The following RGS7 variants were observed in gnomAD, a reference collection of about 807,000 sequenced individuals.
The protein encoded by RGS7 is regulator of G-protein signaling 7.
In RGS7, 27 loss-of-function variants were observed where a neutral mutation model predicts 81.1. The ratio of observed to expected loss-of-function variants is 0.33; its 90% CI spans 0.25 to 0.46. The LOEUF (loss-of-function observed/expected upper bound fraction) is 0.46, where lower values mean the gene tolerates loss of function less well. Among genes scored for constraint, RGS7 ranks in the 20% least tolerant of loss-of-function variants. The pLI, the probability that RGS7 is intolerant of heterozygous loss-of-function variation, is 1.00. For missense variants in RGS7, 396 were observed against 607.4 expected (o/e 0.65, Z 3.66); for synonymous variants, 208 against 207.7 (o/e 1.00, Z -0.01).
At chr1:241,148,030 A>G (rs1284779043) in intron 2 of RGS7, among the ~76,000 whole-genome samples, 1 of 146,624 alleles carries the variant, frequency 6.8e-6, no homozygotes, top group Non-Finnish European at 1.5e-5. Flanking sequence ...GGTGTTTTCA[A>G]ATTTTCTTTC....
At chr1:241,293,380 A>G (rs2079198088) in intron 2 of RGS7, among the ~76,000 whole-genome samples, 1 of 152,228 alleles carries the variant, frequency 6.6e-6, no homozygotes, top group South Asian at 2.1e-4. Context: ...AAGTAGAAGT[A>G]TATAATAAGT....
intron 3 of RGS7, among the ~76,000 whole-genome samples, chr1:240,999,758 G>A (rs1437650249): frequency 1.6e-5 from 2 of 127,086 alleles, no homozygotes; most frequent in South Asian, 2.8e-4. Flanking sequence ...GTGCCACCAC[G>A]CTCGGCTAAT....
intron 7 of RGS7, among the ~76,000 whole-genome samples, chr1:240,869,428 C>A (rs953064673): frequency 6.6e-6 from 1 of 152,200 alleles, no homozygotes. Flanking sequence ...GGTAAATGGT[C>A]TTTAATCCTC....
chr1:240,919,446 C>T (rs1673137157), intron 6 of RGS7, among the ~76,000 whole-genome samples: 1 of 151,838 alleles, frequency 6.6e-6, no homozygotes, highest in South Asian at 2.1e-4. Flanking sequence ...TAATGTAACC[C>T]ATCACATCAA....
Position 240,802,897 on chromosome 1 carries a change from C to A in RGS7, c.1359+7G>T, listed in dbSNP as rs1366415357. 2.5e-6 allele frequency: 4 copies of A among 1,585,946 alleles called. No individual in the cohort carries two copies. Among genetic ancestry groups the A allele is most frequent in the Admixed American group, 1.7e-5 (1 of 59,898 alleles). Reference sequence around the variant, plus strand: ...CCAAGAAAAAACAACTCACAAAAAACCAGTACCTTTTTCTTTGCCTGTAGA... The same window carrying A: ...CCAAGAAAAAACAACTCACAAAAAAACAGTACCTTTTTCTTTGCCTGTAGA... On this transcript the variant is annotated splice_region_variant and intron_variant, in intron 16 of 18. Transcript: ENST00000440928.
chr1:240,911,615 C>A (rs1037369654), intron 6 of RGS7, among the ~76,000 whole-genome samples: 3 of 152,170 alleles, frequency 2.0e-5, no homozygotes, highest in Non-Finnish European at 4.4e-5. Context: ...TATAGCTAAA[C>A]ATCCAGCTAT....
At position 240,868,159 on chromosome 1, in the gene RGS7, G is replaced by GAAAGAAAGAAAGAAAGA. The variant is rs1663792627; in HGVS notation, c.609+427_609+428insTCTTTCTTTCTTTCTTT. ...GAAAGAAAGAAAGAAAGAAAGAAAGGACGGAGGGAGGGAAGGACGAAGGAA... is the reference window on the plus strand; with the variant it reads ...GAAAGAAAGAAAGAAAGAAAGAAAGGAAAGAAAGAAAGAAAGAACGGAGGGAGGGAAGGACGAAGGAA... On this transcript the variant is annotated intron_variant, in intron 9 of 18. Coordinates refer to ENST00000440928, the MANE Select transcript of RGS7 (RefSeq NM_001364886.1). The surrounding 1 kb of genome is among the most constrained non-coding windows in gnomAD (Gnocchi z 5.1). Among the ~76,000 whole-genome samples, 1 of 90,818 alleles carries GAAAGAAAGAAAGAAAGA rather than the reference G, an allele frequency of 1.1e-5. No individual in the cohort carries two copies. The highest frequency in any genetic ancestry group is 2.5e-5 in the Non-Finnish European group (1 of 40,282). 59.6% of individuals were successfully genotyped at this position (90,818 alleles called of 152,430 possible). A position where few individuals can be genotyped will look rare whatever the true frequency, so the allele number is the denominator to read the frequency against.
At chr1:241,014,897 G>A (rs2059146175) in intron 3 of RGS7, among the ~76,000 whole-genome samples, 1 of 152,154 alleles carries the variant, frequency 6.6e-6, no homozygotes, top group Non-Finnish European at 1.5e-5. Context: ...CTCTTACATA[G>A]AGAAAAGGAT....
chr1:241,109,605 G>T (rs1220872521), intron 2 of RGS7, among the ~76,000 whole-genome samples: 2 of 151,990 alleles, frequency 1.3e-5, no homozygotes, highest in Admixed American at 1.3e-4. Context: ...TGCTGTGTTT[G>T]TATGTTCACC....
At chr1:241,045,386 C>CA (rs1410746575) in intron 3 of RGS7, among the ~76,000 whole-genome samples, 26 of 152,174 alleles carry the variant, frequency 1.7e-4, no homozygotes, top group Non-Finnish European at 2.6e-4. Context: ...ATTTTTGAGA[C>CA]AGAGTCTCAC....
chr1:240,795,563 A>AT (rs1376973833), intron 18 of RGS7, among the ~76,000 whole-genome samples: 2 of 152,170 alleles, frequency 1.3e-5, no homozygotes, highest in Non-Finnish European at 1.5e-5. Flanking sequence ...AAGCAGTTCA[A>AT]TTTTTTATGA....
chr1:241,341,556 G>A (rs900710374), intron 2 of RGS7, among the ~76,000 whole-genome samples: 22 of 150,974 alleles, frequency 1.5e-4, no homozygotes, highest in African/African-American at 5.1e-4. Context: ...AGGAGAAGAA[G>A]GAAAAGGAAG....
chr1:241,043,774 TTG>T (rs1337510046), intron 3 of RGS7, among the ~76,000 whole-genome samples: 2 of 151,692 alleles, frequency 1.3e-5, no homozygotes, highest in Non-Finnish European at 2.9e-5. Flanking sequence ...AGTATTTACA[TTG>T]TGTTAGGCAT....
chr1:241,218,290 T>G (rs1328380188), intron 2 of RGS7, among the ~76,000 whole-genome samples: 1 of 152,194 alleles, frequency 6.6e-6, no homozygotes, highest in East Asian at 1.9e-4. Context: ...GAACCATATC[T>G]CTAACCTTAT....
intron 2 of RGS7, among the ~76,000 whole-genome samples, chr1:241,212,485 A>G (rs1024508763): frequency 5.9e-5 from 9 of 152,172 alleles, no homozygotes; most frequent in Non-Finnish European, 8.8e-5. Flanking sequence ...TTATGTAGCC[A>G]GTCCTGTGGT....
At position 241,037,935 on chromosome 1, in the gene RGS7, G is replaced by T. The variant is rs930850280; in HGVS notation, c.176-54806C>A. ...AAGTTATGAGCACACAAAAGCATAAGAATAATACAGTGGACTTTGGGGACA... is the reference window on the plus strand; with the variant it reads ...AAGTTATGAGCACACAAAAGCATAATAATAATACAGTGGACTTTGGGGACA... On this transcript the variant is annotated intron_variant, in intron 3 of 18. Transcript: ENST00000440928. 3.3e-5 allele frequency among the ~76,000 whole-genome samples: 5 copies of T among 152,204 alleles called. No individual in the cohort carries two copies. In the East Asian group the frequency reaches 7.7e-4, roughly 23 times the overall value.
intron 10 of RGS7, among the ~76,000 whole-genome samples, chr1:240,825,069 G>A (rs2103182091): frequency 6.6e-6 from 1 of 152,198 alleles, no homozygotes; most frequent in Middle Eastern, 3.4e-3. Context: ...TTTTGTTAAG[G>A]CGGCCCCGGC....
At chr1:240,782,729 A>G (rs1363233272) in intron 18 of RGS7, among the ~76,000 whole-genome samples, 2 of 152,182 alleles carry the variant, frequency 1.3e-5, no homozygotes, top group Non-Finnish European at 2.9e-5. Context: ...ACCAAATATG[A>G]GACATTTTTA....
rs150355993 is a variant in RGS7 at position 241,014,783 on chromosome 1, A to G, written c.176-31654T>C. Among the ~76,000 whole-genome samples the G allele has an allele frequency of 2.6e-3, 402 of 152,374 alleles. 2 individuals carry two copies. Among genetic ancestry groups the G allele is most frequent in the Non-Finnish European group, 4.4e-3 (297 of 68,036 alleles). On this transcript the variant is annotated intron_variant, in intron 3 of 18. Coordinates refer to ENST00000440928, the MANE Select transcript of RGS7 (RefSeq NM_001364886.1). ...CATATAAGTGGTAGAAACAACTATG[A>G]AAATCTTGAGGACGAATACATCATT...
Sources: allele counts gnomAD v4.1 joint callset (sites outside exome capture counted in the v4.1 genomes callset), GRCh38; gene constraint gnomAD v4.1.1; non-coding constraint Gnocchi (gnomAD v3.1); transcripts MANE v1.5; gene names NCBI Gene and HGNC (gene_info 2026-07-23, HGNC 2026-07-21).